The following RNF141 variants were observed in gnomAD, a reference collection of about 807,000 sequenced individuals.
RNF141 encodes C3HC4-like zinc finger protein.
RNF141 carries 18 observed loss-of-function variants against 27.4 expected under a neutral mutation model. The observed-to-expected ratio is 0.66, with a 90% CI of 0.45 to 0.97. RNF141 has a LOEUF of 0.97. Ranked by LOEUF, RNF141 falls within the 50% of genes least tolerant of loss-of-function variation. The probability of loss-of-function intolerance (pLI) is 0.00; values close to 1 mark genes in which losing one functional copy is unlikely to be tolerated. For missense variants in RNF141, 230 were observed against 279.4 expected (o/e 0.82, Z 1.26); for synonymous variants, 97 against 96.6 (o/e 1.00, Z -0.02).
chr11:10,530,788 A>G (rs1234584727), intron 2 of RNF141, 37 bp from the exon 3 acceptor site: 1 of 1,264,492 alleles, frequency 7.9e-7, no homozygotes, highest in Non-Finnish European at 1.1e-6. Flanking sequence ...TTTATGAAAA[A>G]TCATATATTA....
chr11:10,519,115 T>C lies in RNF141; in HGVS notation c.461A>G (p.Glu154Gly), dbSNP rs140916965. The C allele has an allele frequency of 1.2e-6, 2 of 1,613,842 alleles. No homozygotes were observed. Among genetic ancestry groups the C allele is most frequent in the East Asian group, 4.5e-5 (2 of 44,870 alleles). ...CCGCCCATCCATACAGATACAACAC[T>C]CCTCCTCATCGGTCAGCTGCTTCAC... ...GRVKQLTDEE[E>G]CCICMDGRAD... The change falls in exon 5 of 6, where the codon GAG (glutamate) becomes GGG (glycine). Residue 154 changes from glutamate (E) to glycine (G), a missense_variant. Coordinates refer to ENST00000265981, the MANE Select transcript of RNF141 (RefSeq NM_016422.4).
chr11:10,534,636 A>G (rs1473597891), intron 1 of RNF141, among the ~76,000 whole-genome samples: 1 of 152,138 alleles, frequency 6.6e-6, no homozygotes, highest in Non-Finnish European at 1.5e-5. Flanking sequence ...TTCTTACAAC[A>G]ATCCTAAGAG....
chr11:10,515,149 C>A, intron 5 of RNF141, 83 bp from the exon 6 acceptor site: 1 of 1,405,720 alleles, frequency 7.1e-7, no homozygotes, highest in Non-Finnish European at 9.6e-7. Flanking sequence ...ATGCACATGG[C>A]TTTTAAAAAG....
chr11:10,530,773 T>C, intron 2 of RNF141, 22 bp from the exon 3 acceptor site: 1 of 1,465,300 alleles, frequency 6.8e-7, no homozygotes, highest in Non-Finnish European at 9.4e-7. Flanking sequence ...CAAGAACATG[T>C]TAATTTTATG....
intron 4 of RNF141, among the ~76,000 whole-genome samples, chr11:10,524,284 G>C (rs1214176396): frequency 6.6e-6 from 1 of 152,040 alleles, no homozygotes; most frequent in African/African-American, 2.4e-5. Context: ...GCGTGGTGGC[G>C]GGCGCCTGTA....
At chr11:10,532,885 G>A (rs1381211020) in intron 2 of RNF141, among the ~76,000 whole-genome samples, 5 of 152,148 alleles carry the variant, frequency 3.3e-5, no homozygotes, top group African/African-American at 1.2e-4. Context: ...TTTAAGGAGA[G>A]GTAATATGGG....
Position 10,519,235 on chromosome 11 carries a change from T to TATCCACA in RNF141, c.435-95_435-94insTGTGGAT. On this transcript the variant is annotated intron_variant, in intron 4 of 5. Transcript: ENST00000265981. Reference sequence around the variant, plus strand: ...TAAAAAGCATTATTAAACATCTATATGCCCACAGTATAAAGCACAATATGA... The same window carrying TATCCACA: ...TAAAAAGCATTATTAAACATCTATATATCCACAGCCCACAGTATAAAGCACAATATGA... The TATCCACA allele has an allele frequency of 3.9e-6, 4 of 1,027,846 alleles. No individual in the cohort carries two copies. The East Asian group carries it at 7.6e-5, about 19-fold the overall frequency. 63.7% of individuals were successfully genotyped at this position (1,027,846 alleles called of 1,614,324 possible). A position where few individuals can be genotyped will look rare whatever the true frequency, so the allele number is the denominator to read the frequency against.
At position 10,534,086 on chromosome 11, in the gene RNF141, T is replaced by C. The variant is rs1189962146; in HGVS notation, c.73A>G (p.Thr25Ala). The C allele has an allele frequency of 1.2e-6, 2 of 1,613,736 alleles. No homozygotes were observed. The highest frequency in any genetic ancestry group is 1.7e-6 in the Non-Finnish European group (2 of 1,179,682). ...AAGGAGCCACTCTCTCGAACCAACG[T>C]AACATGTTTTGCTACTTTTTCTGGT... ...KLPEKVAKHV[T>A]LVRESGSLTY... is the part of the protein sequence containing the mutation. Residue 25 changes from threonine (T) to alanine (A), a missense_variant, in exon 2 of 6, where the codon ACG becomes GCG. Thr to Ala is a moderately conservative substitution (Grantham distance 58). Transcript: ENST00000265981.
intron 4 of RNF141, among the ~76,000 whole-genome samples, chr11:10,524,656 A>G (rs1849916499): frequency 6.6e-6 from 1 of 152,230 alleles, no homozygotes; most frequent in South Asian, 2.1e-4. Flanking sequence ...TAGAACAATA[A>G]TGTATTAGGC....
In RNF141 at chr11:10,525,180, T is replaced by A. The variant is rs759822727; in HGVS notation, c.434+12A>T. ...GAAAATAAGTGAAATACAATACTTA[T>A]GCATTATATACCTTCCCATCCAAAG... On this transcript the variant is annotated intron_variant, in intron 4 of 5. Coordinates refer to ENST00000265981, the MANE Select transcript of RNF141 (RefSeq NM_016422.4). 2 of 1,543,186 alleles carry A rather than the reference T, an allele frequency of 1.3e-6. No individual in the cohort carries two copies. The highest frequency in any genetic ancestry group is 2.5e-5 in the South Asian group (2 of 81,580).
intron 3 of RNF141, among the ~76,000 whole-genome samples, chr11:10,526,151 A>G (rs2133970522): frequency 6.6e-6 from 1 of 152,332 alleles, no homozygotes; most frequent in Non-Finnish European, 1.5e-5. Flanking sequence ...TAGAGACATG[A>G]AAGACTTCCT....
chr11:10,518,842 C>A, intron 5 of RNF141, 192 bp downstream of exon 5: 1 of 479,542 alleles, frequency 2.1e-6, no homozygotes, highest in East Asian at 3.4e-5. Context: ...GGTACACCCC[C>A]ATATTTAATA....
chr11:10,532,814 T>TG (rs1850000506), intron 2 of RNF141, among the ~76,000 whole-genome samples: 1 of 152,224 alleles, frequency 6.6e-6, no homozygotes, highest in African/African-American at 2.4e-5. Flanking sequence ...ACTACAGTAC[T>TG]GTAAGTTTAT....
chr11:10,528,152 CAGAG>C (rs1179741322), intron 3 of RNF141, among the ~76,000 whole-genome samples: 1 of 151,902 alleles, frequency 6.6e-6, no homozygotes, highest in Non-Finnish European at 1.5e-5. Context: ...TAGCAGATGG[CAGAG>C]AGTCAAGAAA....
chr11:10,515,797 G>T (rs933868009), intron 5 of RNF141: 37 of 152,158 alleles, frequency 2.4e-4, no homozygotes, highest in Admixed American at 2.1e-3. Flanking sequence ...AATTCCTATG[G>T]CTCATAAGCA....
chr11:10,532,762 A>G (rs1363770364), intron 2 of RNF141, among the ~76,000 whole-genome samples: 1 of 152,180 alleles, frequency 6.6e-6, no homozygotes, highest in Non-Finnish European at 1.5e-5. Flanking sequence ...TGTAATGCCT[A>G]CGGAGTGGGT....
rs1270302962 is a variant in RNF141 at position 10,534,006 on chromosome 11, C to G, written c.143+10G>C. The G allele has an allele frequency of 6.2e-7, 1 of 1,609,056 alleles. No homozygotes were observed. Among genetic ancestry groups the G allele is most frequent in the Non-Finnish European group, 8.5e-7 (1 of 1,178,032 alleles). ...GGGGAAAAACGAAAAACAAAAAGAG[C>G]AAGCCTTACACATCATTAAGCTCAG... On this transcript the variant is annotated intron_variant, in intron 2 of 5. Transcript: ENST00000265981.
rs1273719720 is a variant in RNF141, at chr11:10,514,959, A to G, written c.650T>C (p.Ile217Thr). 2 of 1,613,960 alleles carry G rather than the reference A, an allele frequency of 1.2e-6. No homozygotes were observed. Among genetic ancestry groups the G allele is most frequent in the Non-Finnish European group, 1.7e-6 (2 of 1,179,946 alleles). The change falls in exon 6 of 6, where the codon ATT becomes ACT. Residue 217 changes from isoleucine to threonine, a missense_variant. Coordinates refer to ENST00000265981, the MANE Select transcript of RNF141 (RefSeq NM_016422.4). The stretch of plus-strand genomic sequence containing the variant: ...GCCTGCCTCATCAGCCATGTTAAGA[A>G]TATAGTTAGCCATATCATCTTCAGT... ...APTEDDMANY[I>T]LNMADEAGQP...
chr11:10,536,678 G>A (rs1382199282), intron 1 of RNF141, among the ~76,000 whole-genome samples: 1 of 152,144 alleles, frequency 6.6e-6, no homozygotes, highest in Non-Finnish European at 1.5e-5. Context: ...TGCCCAGTCT[G>A]GTAACAAACT....
Sources: allele counts gnomAD v4.1 joint callset (sites outside exome capture counted in the v4.1 genomes callset), GRCh38; gene constraint gnomAD v4.1.1; transcripts MANE v1.5; gene names NCBI Gene and HGNC (gene_info 2026-07-23, HGNC 2026-07-21).